The following CCND1 variants were observed in gnomAD, a reference collection of about 807,000 sequenced individuals.
The protein encoded by CCND1 is G1/S-specific cyclin-D1.
Under a neutral mutation model 26.1 loss-of-function variants are expected in CCND1, and 9 were observed. That is an observed-to-expected ratio of 0.35 (90% confidence interval 0.21 to 0.60). The LOEUF is 0.60. Ranked by LOEUF, CCND1 falls within the 20% of genes least tolerant of loss-of-function variation. The pLI, the probability that CCND1 is intolerant of heterozygous loss-of-function variation, is 0.79. For synonymous variants in CCND1, 194 were observed against 166.1 expected (o/e 1.17, Z -1.29); for missense variants, 335 against 392.9 (o/e 0.85, Z 1.25).
rs2510467 is a variant in CCND1 at position 69,650,913 on chromosome 11, A to G, written c.724-205A>G. Among the ~76,000 whole-genome samples, 99,260 of 151,918 alleles carry G rather than the reference A, an allele frequency of 0.65. 33,366 individuals are homozygous for G. The highest frequency in any genetic ancestry group is 0.89 in the East Asian group (4,567 of 5,146). ...CAGAGACCAGGTGGGAGGTGGAGGC[A>G]TTTGGTCCTGAGTGTCCTGACAGGT... On this transcript the variant is annotated intron_variant, in intron 4 of 4. Transcript: ENST00000227507.
intron 3 of CCND1, among the ~76,000 whole-genome samples, chr11:69,645,477 G>A (rs758565308): frequency 3.3e-5 from 5 of 152,176 alleles, no homozygotes; most frequent in Non-Finnish European, 7.4e-5. Context: ...CCAGCGGTGG[G>A]TGAAGGAGGA....
rs959997411 is a variant in CCND1 at position 69,653,672 on chromosome 11, G to A, written c.*2390G>A. Reference sequence around the variant, plus strand: ...GCTGTGTCCCTCTTCTCTTCCCTGCGCCTGTGATGCTGGGCACTTCATCTG... The same window carrying A: ...GCTGTGTCCCTCTTCTCTTCCCTGCACCTGTGATGCTGGGCACTTCATCTG... On this transcript the variant is annotated 3_prime_UTR_variant, in exon 5 of 5. Transcript: ENST00000227507. The A allele has an allele frequency of 8.3e-5, 29 of 348,712 alleles. No individual in the cohort carries two copies. Among genetic ancestry groups the A allele is most frequent in the South Asian group, 4.6e-4 (8 of 17,276 alleles). The allele number at this position is 348,712 out of a possible 1,614,324, so 21.6% of individuals were successfully genotyped here.
In CCND1 at chr11:69,641,465, A is replaced by G. The variant is rs2120081358; in HGVS notation, c.152A>G (p.Glu51Gly). The change falls in exon 1 of 5, where the codon GAG (glutamate) becomes GGG (glycine). Residue 51 changes from glutamate (E) to glycine (G), a missense_variant. Coordinates refer to ENST00000227507, the MANE Select transcript of CCND1 (RefSeq NM_053056.3). The part of the protein sequence containing the change: ...SVSYFKCVQK[E>G]VLPSMRKIVA... ...TCCTACTTCAAATGTGTGCAGAAGG[A>G]GGTCCTGCCGTCCATGCGGAAGATC... 1 of 1,613,334 alleles carries G rather than the reference A, an allele frequency of 6.2e-7. No homozygotes were observed. The highest frequency in any genetic ancestry group is 8.5e-7 in the Non-Finnish European group (1 of 1,180,004).
At chr11:69,647,926 C>G (rs2120108039) in intron 3 of CCND1, 68 bp from the exon 4 acceptor site, 1 of 1,575,666 alleles carries the variant, frequency 6.3e-7, no homozygotes, top group South Asian at 1.1e-5. Flanking sequence ...CACAGGGATG[C>G]CCGGATCACG....
intron 4 of CCND1, 172 bp downstream of exon 4, chr11:69,648,314 C>T: frequency 1.5e-6 from 1 of 662,722 alleles, no homozygotes; most frequent in African/African-American, 1.8e-5. Flanking sequence ...GCTTCTTCCA[C>T]TGCTCCTAGA....
chr11:69,648,195 A>C (rs2120110821), intron 4 of CCND1, 53 bp downstream of exon 4: 2 of 1,599,672 alleles, frequency 1.3e-6, no homozygotes, highest in Non-Finnish European at 1.7e-6. Flanking sequence ...AGGGGGAGAC[A>C]CCTAGTGCCA....
At chr11:69,649,677 G>C (rs1473606837) in intron 4 of CCND1, among the ~76,000 whole-genome samples, 1 of 152,184 alleles carries the variant, frequency 6.6e-6, no homozygotes, top group Admixed American at 6.5e-5. Flanking sequence ...TTTGTCCACC[G>C]GGGTAGCCTT....
rs955557121 is a variant in CCND1, at chr11:69,653,814, C to T, written c.*2532C>T. On this transcript the variant is annotated 3_prime_UTR_variant, in exon 5 of 5. Transcript: ENST00000227507. The stretch of plus-strand genomic sequence containing the variant: ...AACAAGTGTGTCTTACGTGCCACCA[C>T]GGCGTTGTACCTGTAGGACTCTCAT... The T allele has an allele frequency of 3.2e-5, 10 of 312,316 alleles. No homozygotes were observed. Among genetic ancestry groups the T allele is most frequent in the Admixed American group, 1.8e-4 (4 of 22,332 alleles). The allele number at this position is 312,316 out of a possible 1,614,324, so 19.3% of individuals were successfully genotyped here.
In CCND1 at chr11:69,654,212, G is replaced by T; in HGVS notation, c.*2930G>T. Reference sequence around the variant, plus strand: ...GAACCACGCGGGGGCCTTGAGGGACGCTTTGTCTGTCGTGATGGGGCAAGG... The same window carrying T: ...GAACCACGCGGGGGCCTTGAGGGACTCTTTGTCTGTCGTGATGGGGCAAGG... On this transcript the variant is annotated 3_prime_UTR_variant, in exon 5 of 5. Transcript: ENST00000227507. This position sits in a 1 kb window ranked among gnomAD's most constrained non-coding sequence, Gnocchi z 6.3. 2 of 701,392 alleles carry T rather than the reference G, an allele frequency of 2.9e-6. No homozygotes were observed. The highest frequency in any genetic ancestry group is 3.0e-5 in the South Asian group (2 of 67,572). The allele number at this position is 701,392 out of a possible 1,614,324, so 43.4% of individuals were successfully genotyped here. A position where few individuals can be genotyped will look rare whatever the true frequency, so the allele number is the denominator to read the frequency against.
At position 69,654,118 on chromosome 11, in the gene CCND1, C is replaced by CCCCCCCCCCCCCCCCCCCCAA; in HGVS notation, c.*2837_*2838insCCCCCCCCCCCCCCCCCCAAC. 1.5e-6 allele frequency: 1 copy of CCCCCCCCCCCCCCCCCCCCAA among 655,016 alleles called. No individual in the cohort carries two copies. Among genetic ancestry groups the CCCCCCCCCCCCCCCCCCCCAA allele is most frequent in the Non-Finnish European group, 2.8e-6 (1 of 359,246 alleles). The allele number at this position is 655,016 out of a possible 1,614,324, so 40.6% of individuals were successfully genotyped here. On this transcript the variant is annotated 3_prime_UTR_variant, in exon 5 of 5. Coordinates refer to ENST00000227507, the MANE Select transcript of CCND1 (RefSeq NM_053056.3). This position sits in a 1 kb window ranked among gnomAD's most constrained non-coding sequence, Gnocchi z 6.3. ...CTCGGAGGCCATCTCGGGCACAGGC[C>CCCCCCCCCCCCCCCCCCCCAA]CACCCCGCCCCACCCCTCCAGAACA...
At chr11:69,646,341 C>T (rs1025441876) in intron 3 of CCND1, among the ~76,000 whole-genome samples, 2 of 152,178 alleles carry the variant, frequency 1.3e-5, no homozygotes. Flanking sequence ...GCCCAGCAGC[C>T]GGCTTTGTCT....
At chr11:69,649,716 A>G (rs1367840926) in intron 4 of CCND1, among the ~76,000 whole-genome samples, 5 of 152,180 alleles carry the variant, frequency 3.3e-5, no homozygotes, top group African/African-American at 4.8e-5. Context: ...AGAGGAATGA[A>G]GGAAGGTCCT....
intron 4 of CCND1, among the ~76,000 whole-genome samples, chr11:69,650,696 C>T (rs1268168527): frequency 6.6e-6 from 1 of 152,220 alleles, no homozygotes; most frequent in Non-Finnish European, 1.5e-5. Flanking sequence ...CAAGGGCTGC[C>T]ACATGGAGAG....
chr11:69,649,113 G>A (rs1443856515), intron 4 of CCND1, among the ~76,000 whole-genome samples: 1 of 152,218 alleles, frequency 6.6e-6, no homozygotes, highest in Non-Finnish European at 1.5e-5. Context: ...TTTGGGGGTG[G>A]TGAGGTGTCC....
At chr11:69,646,614 C>T (rs545448719) in intron 3 of CCND1, among the ~76,000 whole-genome samples, 1 of 152,298 alleles carries the variant, frequency 6.6e-6, no homozygotes, top group East Asian at 1.9e-4. Flanking sequence ...ACGTCCGGCT[C>T]CCAGCCCAGG....
chr11:69,648,504 C>T (rs988172052), intron 4 of CCND1, among the ~76,000 whole-genome samples: 1 of 152,216 alleles, frequency 6.6e-6, no homozygotes, highest in South Asian at 2.1e-4. Flanking sequence ...CCACAATGTG[C>T]GTGGCCAATA....
rs1215752889 is a variant in CCND1 at position 69,653,774 on chromosome 11, T to A, written c.*2492T>A. On this transcript the variant is annotated 3_prime_UTR_variant, in exon 5 of 5. Transcript: ENST00000227507. Reference sequence around the variant, plus strand: ...GTAGCTATGGAAGTTGCATAATTATTATTATTATTATTATAACAAGTGTGT... The same window carrying A: ...GTAGCTATGGAAGTTGCATAATTATAATTATTATTATTATAACAAGTGTGT... 1.1e-5 allele frequency: 3 copies of A among 280,570 alleles called. No homozygotes were observed. Among genetic ancestry groups the A allele is most frequent in the East Asian group, 5.3e-5 (1 of 18,926 alleles). 17.4% of individuals were successfully genotyped at this position (280,570 alleles called of 1,614,324 possible).
rs557011698 is a variant in CCND1, at chr11:69,644,072, C to T, written c.574+81C>T. 1.4e-4 allele frequency: 193 copies of T among 1,409,206 alleles called. 1 individual carries two copies. In the African/African-American group the frequency reaches 2.3e-3, roughly 17 times the overall value. 87.3% of individuals were successfully genotyped at this position (1,409,206 alleles called of 1,614,324 possible). A position where few individuals can be genotyped will look rare whatever the true frequency, so the allele number is the denominator to read the frequency against. ...CCCTGGCCGGCTTCTTGCTCTCCAC[C>T]TGGGTGCTGTCTGGGAAGATGTCCC... On this transcript the variant is annotated intron_variant, in intron 3 of 4. Transcript: ENST00000227507.
chr11:69,641,208 AGGGGCAGAAGAGCGCGAGGGAGCGC>A lies in CCND1; in HGVS notation c.-98_-74del. The A allele has an allele frequency of 8.9e-7, 1 of 1,121,668 alleles. No homozygotes were observed. Among genetic ancestry groups the A allele is most frequent in the Non-Finnish European group, 1.3e-6 (1 of 755,592 alleles). 69.5% of individuals were successfully genotyped at this position (1,121,668 alleles called of 1,614,324 possible). On this transcript the variant is annotated 5_prime_UTR_variant, in exon 1 of 5. Coordinates refer to ENST00000227507, the MANE Select transcript of CCND1 (RefSeq NM_053056.3). ...GCAGCAGAGTCCGCACGCTCCGGCG[AGGGGCAGAAGAGCGCGAGGGAGCGC>A]GGGGCAGCAGAAGCGAGAGCCGAGC... is the stretch of plus-strand genomic sequence containing the variant.
Sources: gnomAD v4.1 joint callset for allele counts (sites outside exome capture counted in the v4.1 genomes callset) on GRCh38, gnomAD v4.1.1 for gene constraint, Gnocchi (gnomAD v3.1) non-coding constraint, MANE v1.5 for transcripts, NCBI Gene and HGNC (gene_info 2026-07-23, HGNC 2026-07-21) for gene names.